STK33: variants seen among roughly 807,000 people sequenced by gnomAD.
The protein encoded by STK33 is serine/threonine-protein kinase 33.
STK33 carries 52 observed loss-of-function variants against 58.0 expected under a neutral mutation model. The ratio of observed to expected loss-of-function variants is 0.90; its 90% CI spans 0.72 to 1.13. The LOEUF is 1.13. Ranked by LOEUF, STK33 falls within the 50% of genes most tolerant of loss-of-function variation. The pLI, the probability that STK33 is intolerant of heterozygous loss-of-function variation, is 0.00. For synonymous variants in STK33, 215 were observed against 200.1 expected, an observed-to-expected ratio of 1.07 and a Z score of -0.63; for missense variants, 630 against 604.2, an observed-to-expected ratio of 1.04 and a Z score of -0.45.
the STK33 span, among the ~76,000 whole-genome samples, chr11:8,374,847 C>A: frequency 6.6e-6 from 1 of 152,176 alleles, no homozygotes; most frequent in East Asian, 1.9e-4. Flanking sequence ...ACATATTCCC[C>A]AACCCACCCT....
At chr11:8,407,876 C>T (rs1385226003) in intron 15 of STK33, among the ~76,000 whole-genome samples, 3 of 152,068 alleles carry the variant, frequency 2.0e-5, no homozygotes, top group Non-Finnish European at 2.9e-5. Context: ...AAGAAGAACA[C>T]GCTTAGCAAT....
intron 1 of STK33, among the ~76,000 whole-genome samples, chr11:8,546,748 T>A (rs907278075): frequency 6.6e-6 from 1 of 152,218 alleles, no homozygotes; most frequent in Non-Finnish European, 1.5e-5. Flanking sequence ...CCCAAGTTGC[T>A]GCAAATGACA....
chr11:8,571,330 A>T (rs2141130755), intron 1 of STK33, among the ~76,000 whole-genome samples: 1 of 152,346 alleles, frequency 6.6e-6, no homozygotes, highest in Non-Finnish European at 1.5e-5. Context: ...ACATTGTATG[A>T]TTCCACTTAT....
the STK33 span, among the ~76,000 whole-genome samples, chr11:8,371,064 T>G: frequency 6.6e-6 from 1 of 151,820 alleles, no homozygotes; most frequent in African/African-American, 2.4e-5. Context: ...AAGTGCTCAG[T>G]GGGGGCCTGG....
At chr11:8,403,807 T>C (rs535894954) in intron 15 of STK33, among the ~76,000 whole-genome samples, 1 of 152,372 alleles carries the variant, frequency 6.6e-6, no homozygotes, top group Admixed American at 6.5e-5. Context: ...ACATATTTCC[T>C]TATTCACTGG....
rs1315041009 is a variant in STK33, at chr11:8,461,846, C to G, written c.517G>C (p.Glu173Gln). 1.9e-6 allele frequency: 3 copies of G among 1,602,752 alleles called. No homozygotes were observed. Among genetic ancestry groups the G allele is most frequent in the Non-Finnish European group, 2.6e-6 (3 of 1,175,752 alleles). Residue 173 changes from glutamate to glutamine, a missense_variant, in exon 8 of 16, where the codon GAA becomes CAA. Glu to Gln is a conservative substitution (Grantham distance 29, BLOSUM62 2). Transcript: ENST00000687296. ...EVNILKSVKHEHIIHLEQVFE... is the reference protein window; with the variant it reads ...EVNILKSVKHQHIIHLEQVFE... Reference sequence around the variant, plus strand: ...ACTTGTTCCAGATGTATGATGTGTTCATGTTTTACACTTTTCAGAATGTTC... The same window carrying G: ...ACTTGTTCCAGATGTATGATGTGTTGATGTTTTACACTTTTCAGAATGTTC...
intron 1 of STK33, among the ~76,000 whole-genome samples, chr11:8,582,309 A>G (rs1413049464): frequency 6.6e-6 from 1 of 152,370 alleles, no homozygotes; most frequent in South Asian, 2.1e-4. Context: ...GTAATTCTCA[A>G]TTATACAAAA....
intron 6 of STK33, among the ~76,000 whole-genome samples, chr11:8,471,164 C>T (rs894329102): frequency 6.6e-6 from 1 of 152,178 alleles, no homozygotes; most frequent in Non-Finnish European, 1.5e-5. Context: ...TTCATAACCA[C>T]TTCCCCAATT....
At chr11:8,476,126 T>TTCTA (rs1470050536) in intron 4 of STK33, among the ~76,000 whole-genome samples, 1 of 152,200 alleles carries the variant, frequency 6.6e-6, no homozygotes, top group Non-Finnish European at 1.5e-5. Context: ...CATTCTTTCT[T>TTCTA]ACTAACAGAA....
intron 1 of STK33, among the ~76,000 whole-genome samples, chr11:8,534,469 A>G (rs997888678): frequency 4.6e-5 from 7 of 151,914 alleles, no homozygotes; most frequent in African/African-American, 1.7e-4. Context: ...TAGAAAGTAT[A>G]AGAGTATAAC....
chr11:8,567,856 C>T (rs1192420869), intron 1 of STK33, among the ~76,000 whole-genome samples: 3 of 152,166 alleles, frequency 2.0e-5, no homozygotes, highest in African/African-American at 7.2e-5. Context: ...CAATGTAGCA[C>T]TTTTCTATAA....
chr11:8,457,468 A>G lies in STK33; in HGVS notation c.570T>C (p.Leu190=), dbSNP rs140161907. Residue 190 remains leucine, a synonymous_variant, in exon 9 of 16, where the codon CTT becomes CTC. Transcript: ENST00000687296. ...QVFETPKKMY[L]VMELCEDGEL... ...CTCCATCCTCACAAAGCTCCATCAC[A>G]AGGTACATTTTCTGACATTATATAT... The G allele has an allele frequency of 1.4e-5, 23 of 1,598,744 alleles. No homozygotes were observed. In the African/African-American group the frequency reaches 2.9e-4, roughly 20 times the overall value.
At chr11:8,387,251 CT>C (rs1246096370), downstream of STK33, among the ~76,000 whole-genome samples, 2 of 152,152 alleles carry the variant, frequency 1.3e-5, no homozygotes, top group Admixed American at 6.5e-5. Context: ...GTTGCTCGGC[CT>C]TTTGAAACTC....
chr11:8,507,840 C>T (rs1363575521), intron 1 of STK33, among the ~76,000 whole-genome samples: 1 of 152,144 alleles, frequency 6.6e-6, no homozygotes, highest in Non-Finnish European at 1.5e-5. Flanking sequence ...AAGCTTTTGA[C>T]CTGATCTACA....
chr11:8,585,952 C>A (rs1464461133), intron 1 of STK33, among the ~76,000 whole-genome samples: 2 of 152,138 alleles, frequency 1.3e-5, no homozygotes, highest in African/African-American at 4.8e-5. Context: ...ACTTGGGAGG[C>A]TGAGACAGGA....
intron 15 of STK33, among the ~76,000 whole-genome samples, chr11:8,396,033 A>T (rs780258368): frequency 6.6e-6 from 1 of 152,172 alleles, no homozygotes; most frequent in African/African-American, 2.4e-5. Context: ...CTACCCCGAA[A>T]CAAATCACAG....
At chr11:8,390,364 T>C (rs11041903), downstream of STK33, among the ~76,000 whole-genome samples, 27,876 of 152,184 alleles carry the variant, frequency 0.18, 2,821 homozygotes, top group African/African-American at 0.25. Flanking sequence ...GTGTTTGTTA[T>C]TGGTGCCTTC....
At chr11:8,401,263 A>G (rs2135294556) in intron 15 of STK33, among the ~76,000 whole-genome samples, 1 of 152,320 alleles carries the variant, frequency 6.6e-6, no homozygotes, top group African/African-American at 2.4e-5. Context: ...ACTGGTACCA[A>G]AACAGAGATA....
chr11:8,555,809 A>G (rs1466505150), intron 1 of STK33, among the ~76,000 whole-genome samples: 1 of 152,194 alleles, frequency 6.6e-6, no homozygotes, highest in Non-Finnish European at 1.5e-5. Context: ...ATCACATTCT[A>G]CTCCATAAAT....
Sources: allele counts gnomAD v4.1 joint callset (sites outside exome capture counted in the v4.1 genomes callset), GRCh38; gene constraint gnomAD v4.1.1; transcripts MANE v1.5; gene names NCBI Gene and HGNC (gene_info 2026-07-23, HGNC 2026-07-21).